MCTP1: variants seen among roughly 807,000 people sequenced by gnomAD.
The protein encoded by MCTP1 is multiple C2 and transmembrane domain containing 1.
A neutral mutation model predicts 120.6 loss-of-function variants in MCTP1; 69 were observed. The ratio of observed to expected loss-of-function variants is 0.57; its 90% CI spans 0.47 to 0.70. The LOEUF (loss-of-function observed/expected upper bound fraction) is 0.70, where lower values mean the gene tolerates loss of function less well. Among genes scored for constraint, MCTP1 ranks in the 30% least tolerant of loss-of-function variants. The probability of loss-of-function intolerance (pLI) is 0.00; values close to 1 mark genes in which losing one functional copy is unlikely to be tolerated. For synonymous variants in MCTP1, 529 were observed against 493.1 expected, an observed-to-expected ratio of 1.07 and a Z score of -0.96; for missense variants, 1,203 against 1,248.8, an observed-to-expected ratio of 0.96 and a Z score of 0.55.
intron 1 of MCTP1, among the ~76,000 whole-genome samples, chr5:95,138,233 A>ACACC (rs558143445): frequency 1.4e-5 from 2 of 142,426 alleles, no homozygotes; most frequent in Non-Finnish European, 3.1e-5. Flanking sequence ...GTGAGATGCA[A>ACACC]CCCCCCCCCG....
chr5:95,124,168 G>A (rs114280771), intron 1 of MCTP1, among the ~76,000 whole-genome samples: 3 of 152,294 alleles, frequency 2.0e-5, no homozygotes, highest in African/African-American at 7.2e-5. Context: ...ACCTACTGTG[G>A]TGAAGCTTAG....
At chr5:95,196,369 G>A (rs1470923935) in intron 1 of MCTP1, among the ~76,000 whole-genome samples, 3 of 152,152 alleles carry the variant, frequency 2.0e-5, no homozygotes, top group African/African-American at 7.2e-5. Flanking sequence ...TTACAGAAAA[G>A]GAAACTGAGG....
At chr5:95,166,722 C>G (rs546548691) in intron 1 of MCTP1, among the ~76,000 whole-genome samples, 79 of 152,114 alleles carry the variant, frequency 5.2e-4, no homozygotes, top group African/African-American at 1.6e-3. Context: ...CACCCACCAC[C>G]ACGCCTGGCT....
At chr5:95,017,553 A>ATCTCTAAAGGGGGACCG in intron 1 of MCTP1, 69 bp from the exon 2 acceptor site, 1 of 932,378 alleles carries the variant, frequency 1.1e-6, no homozygotes, top group Non-Finnish European at 1.5e-6. Flanking sequence ...AAGGGGGACC[A>ATCTCTAAAGGGGGACCG]TATATAGCTT....
At chr5:94,966,328 G>T (rs2153566922) in intron 2 of MCTP1, among the ~76,000 whole-genome samples, 1 of 152,202 alleles carries the variant, frequency 6.6e-6, no homozygotes, top group Non-Finnish European at 1.5e-5. Context: ...AAAGTATTAA[G>T]CAATTGTTGC....
rs7731134 is a variant in MCTP1, at chr5:94,977,815, G to A, written c.839-24454C>T. 6.3e-3 allele frequency among the ~76,000 whole-genome samples: 956 copies of A among 152,114 alleles called. 12 individuals are homozygous for A. Among genetic ancestry groups the A allele is most frequent in the African/African-American group, 0.022 (917 of 41,496 alleles). On this transcript the variant is annotated intron_variant, in intron 2 of 22. Coordinates refer to ENST00000515393, the MANE Select transcript of MCTP1 (RefSeq NM_024717.7). ...CCATATACATAAATCAATACAAATG[G>A]ATTAAAAACTTAAATATAAGTCATG...
chr5:95,216,079 A>G (rs972887470), intron 1 of MCTP1, among the ~76,000 whole-genome samples: 1 of 152,230 alleles, frequency 6.6e-6, no homozygotes, highest in South Asian at 2.1e-4. Context: ...TTTGTTAAAC[A>G]TATTATAAAT....
chr5:94,772,811 TC>T (rs540417036), intron 19 of MCTP1, among the ~76,000 whole-genome samples: 119 of 152,096 alleles, frequency 7.8e-4, no homozygotes, highest in Middle Eastern at 3.2e-3. Context: ...CAATACCCCT[TC>T]CCCCGGAAAA....
intron 2 of MCTP1, among the ~76,000 whole-genome samples, chr5:94,969,383 T>C (rs1266918059): frequency 1.3e-5 from 2 of 152,164 alleles, no homozygotes; most frequent in Non-Finnish European, 2.9e-5. Context: ...ATATTTAAAA[T>C]GTAAATAGCT....
chr5:95,024,729 T>G (rs1838908250), intron 1 of MCTP1, among the ~76,000 whole-genome samples: 1 of 151,828 alleles, frequency 6.6e-6, no homozygotes, highest in Non-Finnish European at 1.5e-5. Context: ...TTCATTAAAG[T>G]TGCAGGAGAC....
intron 19 of MCTP1, among the ~76,000 whole-genome samples, chr5:94,740,096 G>A (rs1177559428): frequency 6.6e-6 from 1 of 152,172 alleles, no homozygotes; most frequent in Non-Finnish European, 1.5e-5. Flanking sequence ...ATATGTATAT[G>A]TACATTTCAA....
intron 17 of MCTP1, among the ~76,000 whole-genome samples, chr5:94,851,005 C>G (rs1471902876): frequency 2.0e-4 from 31 of 152,056 alleles, no homozygotes; most frequent in Admixed American, 2.0e-3. Context: ...TATTTTTAAA[C>G]TATTTCTTCT....
intron 1 of MCTP1, among the ~76,000 whole-genome samples, chr5:95,152,296 A>C (rs1314519613): frequency 6.6e-6 from 1 of 152,216 alleles, no homozygotes; most frequent in Non-Finnish European, 1.5e-5. Flanking sequence ...TTGCATTTTC[A>C]AATTAGGCAT....
At chr5:94,904,175 C>T (rs1170697379) in intron 10 of MCTP1, among the ~76,000 whole-genome samples, 2 of 152,042 alleles carry the variant, frequency 1.3e-5, no homozygotes, top group Non-Finnish European at 2.9e-5. Context: ...GTTAGTTTAC[C>T]GAGTACTTGG....
chr5:95,183,335 A>G (rs1748828763), intron 1 of MCTP1, among the ~76,000 whole-genome samples: 1 of 151,720 alleles, frequency 6.6e-6, no homozygotes, highest in South Asian at 2.1e-4. Flanking sequence ...TTCTAGAATG[A>G]AACATAGGAG....
chr5:95,245,637 G>C (rs1356916591), intron 1 of MCTP1, among the ~76,000 whole-genome samples: 3 of 151,716 alleles, frequency 2.0e-5, no homozygotes, highest in Non-Finnish European at 4.4e-5. Flanking sequence ...AAAAAAAAGA[G>C]TGAAAAGAAA....
At chr5:94,918,533 C>T (rs531759201) in intron 7 of MCTP1, among the ~76,000 whole-genome samples, 2 of 152,142 alleles carry the variant, frequency 1.3e-5, no homozygotes, top group Non-Finnish European at 2.9e-5. Flanking sequence ...AAAAGTAACC[C>T]AAAGATCCCT....
chr5:94,940,102 T>C lies in MCTP1; in HGVS notation c.1155A>G (p.Glu385=), dbSNP rs762656627. The C allele has an allele frequency of 5.6e-6, 9 of 1,603,990 alleles. No individual in the cohort carries two copies. Among genetic ancestry groups the C allele is most frequent in the Non-Finnish European group, 7.7e-6 (9 of 1,172,454 alleles). ...AACTTACCACATCCCTGGACTCTCCTTCTTTAGGGGTAAGGATGACTGAGA... is the reference window on the plus strand; with the variant it reads ...AACTTACCACATCCCTGGACTCTCCCTCTTTAGGGGTAAGGATGACTGAGA... ...ILLSVILTPK[E]GESRDVTMLM... is the part of the protein sequence containing the mutation. The change falls in exon 5 of 23, where the codon GAA becomes GAG. Residue 385 remains glutamate, a synonymous_variant. Coordinates refer to ENST00000515393, the MANE Select transcript of MCTP1 (RefSeq NM_024717.7).
At chr5:94,905,169 T>C (rs1806497496) in intron 10 of MCTP1, among the ~76,000 whole-genome samples, 1 of 151,708 alleles carries the variant, frequency 6.6e-6, no homozygotes, top group Non-Finnish European at 1.5e-5. Context: ...GGTCCTGAGG[T>C]GGGAGGGTGT....
Sources: allele counts gnomAD v4.1 joint callset (sites outside exome capture counted in the v4.1 genomes callset), GRCh38; gene constraint gnomAD v4.1.1; transcripts MANE v1.5; gene names NCBI Gene and HGNC (gene_info 2026-07-23, HGNC 2026-07-21).